Variants in EYA4 observed in about 807,000 individuals in gnomAD.
The protein encoded by EYA4 is protein phosphatase EYA4.
In EYA4, 31 loss-of-function variants were observed where a neutral mutation model predicts 87.9. The observed-to-expected ratio is 0.35, with a 90% CI of 0.27 to 0.48. The LOEUF is 0.48. Among genes scored for constraint, EYA4 ranks in the 20% least tolerant of loss-of-function variants. EYA4 has a pLI of 0.99. For synonymous variants in EYA4, 263 were observed against 270.6 expected (o/e 0.97, Z 0.28); for missense variants, 678 against 761.4 (o/e 0.89, Z 1.29).
chr6:133,409,794 T>C (rs1183673878), intron 3 of EYA4, among the ~76,000 whole-genome samples: 1 of 152,168 alleles, frequency 6.6e-6, no homozygotes, highest in Admixed American at 6.5e-5. Context: ...TCAATAATAC[T>C]GTAATGTATA....
intron 13 of EYA4, among the ~76,000 whole-genome samples, chr6:133,503,573 A>T (rs1372951527): frequency 6.6e-6 from 1 of 152,176 alleles, no homozygotes; most frequent in Non-Finnish European, 1.5e-5. Flanking sequence ...AGCGTCACTA[A>T]TGGAATTATA....
In EYA4 at chr6:133,523,155, T is replaced by A; in HGVS notation, c.1716T>A (p.Asn572Lys). The change falls in exon 18 of 20, where the codon AAT becomes AAA. Residue 572 changes from asparagine to lysine, a missense_variant. Physicochemically the swap from Asn to Lys is moderately conservative, Grantham distance 94. Transcript: ENST00000355286. ...YSLGGAFPIE[N>K]IYSATKIGKE... ...TAGGAGGTGCTTTCCCCATTGAGAA[T>A]ATTTACAGTGCAACTAAAATAGGTA... is the stretch of plus-strand genomic sequence containing the variant. The A allele has an allele frequency of 6.2e-7, 1 of 1,612,490 alleles. No homozygotes were observed. The highest frequency in any genetic ancestry group is 8.5e-7 in the Non-Finnish European group (1 of 1,178,770).
At chr6:133,389,739 A>G (rs1787091618) in intron 3 of EYA4, among the ~76,000 whole-genome samples, 1 of 152,142 alleles carries the variant, frequency 6.6e-6, no homozygotes, top group South Asian at 2.1e-4. Context: ...CTTTTAAGCA[A>G]TCTTTGACTT....
intron 2 of EYA4, among the ~76,000 whole-genome samples, chr6:133,298,324 C>T (rs972517595): frequency 2.0e-5 from 3 of 152,080 alleles, no homozygotes; most frequent in Non-Finnish European, 4.4e-5. Flanking sequence ...ATTTTTCTGA[C>T]GAATCCGGCT....
chr6:133,279,336 T>C (rs1409291818), intron 2 of EYA4, among the ~76,000 whole-genome samples: 1 of 152,122 alleles, frequency 6.6e-6, no homozygotes, highest in Admixed American at 6.6e-5. Context: ...TGTTACTAAA[T>C]CAATTCACTT....
intron 1 of EYA4, among the ~76,000 whole-genome samples, chr6:133,243,207 T>C (rs1774116697): frequency 6.6e-6 from 1 of 152,062 alleles, no homozygotes; most frequent in South Asian, 2.1e-4. Context: ...CTGGCTGTCA[T>C]TACAGACACT....
At chr6:133,524,446 G>C (rs1800450124) in intron 18 of EYA4, among the ~76,000 whole-genome samples, 1 of 152,110 alleles carries the variant, frequency 6.6e-6, no homozygotes, top group Non-Finnish European at 1.5e-5. Flanking sequence ...TAAAAACAAA[G>C]AATATGTAGA....
intron 5 of EYA4, among the ~76,000 whole-genome samples, chr6:133,452,358 T>C (rs1793530934): frequency 1.3e-5 from 2 of 152,264 alleles, no homozygotes; most frequent in East Asian, 1.9e-4. Context: ...GAAGATGAAA[T>C]GTAAATGTAA....
chr6:133,484,509 G>A (rs1484741024), intron 13 of EYA4, among the ~76,000 whole-genome samples: 1 of 152,150 alleles, frequency 6.6e-6, no homozygotes, highest in Non-Finnish European at 1.5e-5. Flanking sequence ...TAATAATTTT[G>A]TTTAACAACC....
intron 2 of EYA4, among the ~76,000 whole-genome samples, chr6:133,302,737 GTTA>G (rs766583969): frequency 5.1e-4 from 77 of 152,222 alleles, no homozygotes; most frequent in Non-Finnish European, 9.6e-4. Context: ...AGATGATAGT[GTTA>G]TTATAATGTG....
chr6:133,353,892 G>A (rs75621334), intron 2 of EYA4, among the ~76,000 whole-genome samples: 1,850 of 152,184 alleles, frequency 0.012, 27 homozygotes, highest in South Asian at 0.046. Context: ...TACTGTTTTC[G>A]TCAGTGAAAA....
chr6:133,495,499 A>G (rs1000556307), intron 13 of EYA4, among the ~76,000 whole-genome samples: 7 of 102,358 alleles, frequency 6.8e-5, no homozygotes, highest in South Asian at 5.2e-4. Context: ...AGAGAGAGGT[A>G]GGCAAGGGCT....
intron 18 of EYA4, among the ~76,000 whole-genome samples, chr6:133,524,233 C>T (rs1394704405): frequency 6.6e-6 from 1 of 152,050 alleles, no homozygotes; most frequent in Non-Finnish European, 1.5e-5. Context: ...GCAGAATAAA[C>T]ATTTATTTTA....
chr6:133,494,790 G>T (rs1797489964), intron 13 of EYA4, among the ~76,000 whole-genome samples: 2 of 151,804 alleles, frequency 1.3e-5, no homozygotes, highest in Admixed American at 6.6e-5. Flanking sequence ...GATTGAGGCT[G>T]CAGTGAGCCA....
chr6:133,497,481 G>A (rs201698786), intron 13 of EYA4, among the ~76,000 whole-genome samples: 10 of 152,000 alleles, frequency 6.6e-5, no homozygotes, highest in Non-Finnish European at 1.3e-4. Flanking sequence ...CATTTCTGAC[G>A]ATGGTGAATG....
intron 2 of EYA4, among the ~76,000 whole-genome samples, chr6:133,324,257 G>T (rs1229552440): frequency 1.3e-5 from 2 of 152,060 alleles, no homozygotes; most frequent in Non-Finnish European, 2.9e-5. Flanking sequence ...AAATTATGCT[G>T]TATTCTAGCA....
At chr6:133,448,902 G>A (rs1010877701) in intron 5 of EYA4, among the ~76,000 whole-genome samples, 4 of 152,118 alleles carry the variant, frequency 2.6e-5, no homozygotes, top group Non-Finnish European at 5.9e-5. Flanking sequence ...CATGCCTATT[G>A]GAAATGTGCA....
intron 3 of EYA4, among the ~76,000 whole-genome samples, chr6:133,395,020 GA>G (rs1787665027): frequency 6.6e-6 from 1 of 152,076 alleles, no homozygotes; most frequent in African/African-American, 2.4e-5. Context: ...TATACAAAAT[GA>G]TCCCATTAAA....
intron 2 of EYA4, among the ~76,000 whole-genome samples, chr6:133,277,455 G>C (rs572502240): frequency 3.9e-5 from 6 of 152,218 alleles, no homozygotes; most frequent in African/African-American, 1.4e-4. Context: ...TAAAACCTTT[G>C]GGAAATTACT....
Sources: allele counts gnomAD v4.1 joint callset (sites outside exome capture counted in the v4.1 genomes callset), GRCh38; gene constraint gnomAD v4.1.1; transcripts MANE v1.5; gene names NCBI Gene and HGNC (gene_info 2026-07-23, HGNC 2026-07-21).